Variants in COL17A1 observed in about 807,000 individuals in gnomAD.
COL17A1 encodes collagen alpha-1(XVII) chain.
In COL17A1, 181 loss-of-function variants were observed where a neutral mutation model predicts 218.4. The observed-to-expected ratio is 0.83, with a 90% confidence interval of 0.73 to 0.94. The LOEUF is 0.94. Among genes scored for constraint, COL17A1 ranks in the 40% least tolerant of loss-of-function variants. COL17A1 has a pLI of 0.00. For synonymous variants in COL17A1, 721 were observed against 731.0 expected (o/e 0.99, Z 0.22); for missense variants, 1,924 against 1,945.9 (o/e 0.99, Z 0.21).
At chr10:104,065,452 C>G (rs958572758) in intron 9 of COL17A1, among the ~76,000 whole-genome samples, 2 of 152,230 alleles carry the variant, frequency 1.3e-5, no homozygotes, top group African/African-American at 2.4e-5. Flanking sequence ...CTGAACAATG[C>G]TCATCCTACT....
At position 104,070,519 on chromosome 10, in the gene COL17A1, T is replaced by G. The variant is rs769507128; in HGVS notation, c.514A>C (p.Ser172Arg). ...GAGGAATTCCGGGTGGGGCTCACAC[T>G]TGCCGATCGACTCCCCTTGAGCAAA... The part of the protein sequence containing the change: ...KRLLKGSRSA[S>R]VSPTRNSSNT... The change falls in exon 9 of 56, where the codon AGT (serine) becomes CGT (arginine). Residue 172 changes from serine to arginine, a missense_variant. Coordinates refer to ENST00000648076, the MANE Select transcript of COL17A1 (RefSeq NM_000494.4). The G allele has an allele frequency of 6.2e-7, 1 of 1,614,220 alleles. No individual in the cohort carries two copies. The highest frequency in any genetic ancestry group is 1.1e-5 in the South Asian group (1 of 91,088).
chr10:104,063,105 A>G (rs1017328310), intron 11 of COL17A1, among the ~76,000 whole-genome samples: 4 of 152,342 alleles, frequency 2.6e-5, no homozygotes, highest in East Asian at 1.9e-4. Context: ...ACTTGCCTCT[A>G]TATCAGTCAA....
At chr10:104,044,500 C>G (rs145406555) in intron 33 of COL17A1, among the ~76,000 whole-genome samples, 86 of 152,284 alleles carry the variant, frequency 5.6e-4, no homozygotes, top group African/African-American at 2.1e-3. Flanking sequence ...CTTGGGGAAA[C>G]CATTCTTTAG....
Position 104,032,931 on chromosome 10 carries a change from T to C in COL17A1, c.4332A>G (p.Gly1444=), listed in dbSNP as rs1844707904. 1.2e-6 allele frequency: 2 copies of C among 1,614,122 alleles called. No homozygotes were observed. The highest frequency in any genetic ancestry group is 1.7e-6 in the Non-Finnish European group (2 of 1,180,012). The change falls in exon 54 of 56, where the codon GGA becomes GGG. Residue 1444 remains glycine, a synonymous_variant. Transcript: ENST00000648076. ...CTTTGGGTCCTGGAGTGCCCATCTC[T>C]CCTTTTTGCCCAGGGGGTCCTTGAA... ...GAIQGPPGQK[G]EMGTPGPKGD... is the part of the protein sequence containing the mutation.
intron 10 of COL17A1, 21 bp downstream of exon 10, chr10:104,064,417 T>C (rs1423026442): frequency 1.2e-6 from 2 of 1,613,470 alleles, no homozygotes; most frequent in Admixed American, 3.3e-5. Flanking sequence ...TGAGAGAGGG[T>C]GTGGGCTGCC....
chr10:104,037,749 G>T lies in COL17A1; in HGVS notation c.3095C>A (p.Ser1032Tyr). The change falls in exon 46 of 56, where the codon TCC (serine) becomes TAC (tyrosine). Residue 1032 changes from serine to tyrosine, a missense_variant. Physicochemically the swap from Ser to Tyr is moderately radical, Grantham distance 144. Transcript: ENST00000648076. The part of the protein sequence containing the change: ...MQSDSIRSYL[S>Y]GVQGPPGPPG... ...TGGGCCTGGGGGACCCTGAACTCCGGATAGGTAAGATCTAATACTGTCACC... is the reference window on the plus strand; with the variant it reads ...TGGGCCTGGGGGACCCTGAACTCCGTATAGGTAAGATCTAATACTGTCACC... 6.2e-7 allele frequency: 1 copy of T among 1,614,112 alleles called. No individual in the cohort carries two copies. Among genetic ancestry groups the T allele is most frequent in the Non-Finnish European group, 8.5e-7 (1 of 1,180,012 alleles).
intron 50 of COL17A1, 79 bp downstream of exon 50, chr10:104,035,182 CTG>C: frequency 8.4e-7 from 1 of 1,190,226 alleles, no homozygotes; most frequent in Non-Finnish European, 1.2e-6. Flanking sequence ...AGCACTTAGA[CTG>C]CCCTTGCTAA....
At chr10:104,046,901 C>T (rs2086415907) in intron 31 of COL17A1, 128 bp from the exon 32 acceptor site, 6 of 839,894 alleles carry the variant, frequency 7.1e-6, no homozygotes, top group Admixed American at 2.0e-5. Context: ...GGACACGTCT[C>T]ATGCCGGGGC....
At chr10:104,055,751 G>A (rs746988342) in intron 18 of COL17A1, 31 bp downstream of exon 18, 10 of 1,612,360 alleles carry the variant, frequency 6.2e-6, no homozygotes, top group Middle Eastern at 1.7e-4. Context: ...GGACTCAGGG[G>A]AGCTGGCCCT....
chr10:104,035,157 T>A (rs899989438), intron 50 of COL17A1, 106 bp downstream of exon 50: 4 of 972,366 alleles, frequency 4.1e-6, no homozygotes, highest in Non-Finnish European at 6.3e-6. Context: ...CACCCAGCAC[T>A]GTACAGGCTC....
At chr10:104,052,663 G>A (rs898397149) in intron 23 of COL17A1, among the ~76,000 whole-genome samples, 1 of 152,038 alleles carries the variant, frequency 6.6e-6, no homozygotes, top group Non-Finnish European at 1.5e-5. Context: ...TTCCAGCTAG[G>A]AAAGGCTCAA....
At chr10:104,042,561 C>T in intron 35 of COL17A1, 106 bp from the exon 36 acceptor site, 1 of 1,116,218 alleles carries the variant, frequency 9.0e-7, no homozygotes, top group Non-Finnish European at 1.3e-6. Context: ...CCCAAAGAGG[C>T]CACCTTGCTT....
chr10:104,043,098 C>G (rs1387212673), intron 35 of COL17A1, among the ~76,000 whole-genome samples: 1 of 152,128 alleles, frequency 6.6e-6, no homozygotes, highest in Admixed American at 6.5e-5. Flanking sequence ...TTTTGTTGCC[C>G]TGGATGCAGA....
At position 104,061,396 on chromosome 10, in the gene COL17A1, A is replaced by G. The variant is rs748278487; in HGVS notation, c.979+9T>C. On this transcript the variant is annotated intron_variant, in intron 13 of 55. Transcript: ENST00000648076. ...AGCCTGAACCCTGGCAGCTGGGAGC[A>G]GCACTCACCGGCGGAGGTGGAAACG... The G allele has an allele frequency of 3.7e-5, 60 of 1,612,824 alleles. No individual in the cohort carries two copies. Among genetic ancestry groups the G allele is most frequent in the Non-Finnish European group, 4.7e-5 (55 of 1,179,802 alleles).
In COL17A1 at chr10:104,058,198, G is replaced by A; in HGVS notation, c.1223-8C>T. 1 of 1,614,170 alleles carries A rather than the reference G, an allele frequency of 6.2e-7. No homozygotes were observed. The highest frequency in any genetic ancestry group is 8.5e-7 in the Non-Finnish European group (1 of 1,180,020). ...ACACAGTCTTCAGGTCTCCTGAAAG[G>A]ACAAACAGATTGACCTGAGCTTTTA... On this transcript the variant is annotated splice_polypyrimidine_tract_variant and splice_region_variant and intron_variant, in intron 15 of 55. Transcript: ENST00000648076.
At position 104,032,968 on chromosome 10, in the gene COL17A1, G is replaced by A. The variant is rs772901149; in HGVS notation, c.4295C>T (p.Thr1432Ile). ...AGGGGGTCCTTGAATGGCTCCATAA[G>A]CTGCAAAAGCAAGGAAACACTGGCC... ...VTADLMDFFQTYGAIQGPPGQ... is the reference protein window; with the variant it reads ...VTADLMDFFQIYGAIQGPPGQ... The change falls in exon 54 of 56, where the codon ACT becomes ATT. Residue 1432 changes from threonine (T) to isoleucine (I), a missense_variant and splice_region_variant. Coordinates refer to ENST00000648076, the MANE Select transcript of COL17A1 (RefSeq NM_000494.4). The A allele has an allele frequency of 2.5e-6, 4 of 1,613,654 alleles. No individual in the cohort carries two copies. The highest frequency in any genetic ancestry group is 1.3e-5 in the African/African-American group (1 of 75,020).
intron 36 of COL17A1, among the ~76,000 whole-genome samples, chr10:104,041,994 G>A (rs2086365300): frequency 6.6e-6 from 1 of 152,190 alleles, no homozygotes; most frequent in African/African-American, 2.4e-5. Context: ...AGCTCAGAGT[G>A]AGCGCTGGAC....
intron 48 of COL17A1, 26 bp downstream of exon 48, chr10:104,036,466 C>T: frequency 6.2e-7 from 1 of 1,613,662 alleles, no homozygotes; most frequent in East Asian, 2.2e-5. Context: ...AGGCCCTTCC[C>T]AACCACCCCT....
chr10:104,035,599 G>A (rs201065928), intron 48 of COL17A1, 36 bp from the exon 49 acceptor site: 34 of 1,545,196 alleles, frequency 2.2e-5, no homozygotes, highest in Non-Finnish European at 2.8e-5. Context: ...GGCAGGGGGA[G>A]GCAGATGGAA....
Sources: allele counts gnomAD v4.1 joint callset (sites outside exome capture counted in the v4.1 genomes callset), GRCh38; gene constraint gnomAD v4.1.1; transcripts MANE v1.5; gene names NCBI Gene and HGNC (gene_info 2026-07-23, HGNC 2026-07-21).